Variants in QKI observed in about 807,000 individuals in gnomAD.
The protein encoded by QKI is QKI, KH domain containing RNA binding.
In QKI, 10 loss-of-function variants were observed where a neutral mutation model predicts 39.0. The observed-to-expected ratio is 0.26, with a 90% CI of 0.16 to 0.43. The LOEUF (loss-of-function observed/expected upper bound fraction) is 0.43, where lower values mean the gene tolerates loss of function less well. Ranked by LOEUF, QKI falls within the 20% of genes least tolerant of loss-of-function variation. The pLI is 1.00. For missense variants in QKI, 218 were observed against 428.0 expected (o/e 0.51, Z 4.33); for synonymous variants, 204 against 155.4 (o/e 1.31, Z -2.33).
chr6:163,465,289 C>G (rs915782036), intron 2 of QKI, among the ~76,000 whole-genome samples: 15 of 152,032 alleles, frequency 9.9e-5, no homozygotes, highest in Non-Finnish European at 1.8e-4. Context: ...CTTGCTACTT[C>G]CATTAAATAT....
At position 163,575,251 on chromosome 6, in the gene QKI, TTAC is replaced by T. The variant is rs1438876436; in HGVS notation, c.*4544_*4546del. 1 of 152,218 alleles carries T rather than the reference TTAC, an allele frequency of 6.6e-6. No homozygotes were observed. The highest frequency in any genetic ancestry group is 1.5e-5 in the Non-Finnish European group (1 of 68,036). 9.4% of individuals were successfully genotyped at this position (152,218 alleles called of 1,614,324 possible). ...TTAAATTGATGAATTTCTATGCAATTTACTATTCTCTGAAGCCTATGAATGCAG... is the reference window on the plus strand; with the variant it reads ...TTAAATTGATGAATTTCTATGCAATTTATTCTCTGAAGCCTATGAATGCAG... On this transcript the variant is annotated 3_prime_UTR_variant, in exon 8 of 8. Coordinates refer to ENST00000361752, the MANE Select transcript of QKI (RefSeq NM_006775.3).
At chr6:163,569,777 G>C (rs1366112429) in intron 7 of QKI, 4 of 987,778 alleles carry the variant, frequency 4.0e-6, no homozygotes, top group Non-Finnish European at 4.8e-6. Flanking sequence ...TGTATTTGCA[G>C]AGTATTAGCT....
At chr6:163,568,828 A>G (rs1048071858) in intron 7 of QKI, 20 of 985,660 alleles carry the variant, frequency 2.0e-5, no homozygotes, top group African/African-American at 8.7e-5. Flanking sequence ...TTTGAAGCCT[A>G]TTAGAGACCA....
chr6:163,445,892 G>A (rs1455108009), intron 1 of QKI, among the ~76,000 whole-genome samples: 1 of 152,210 alleles, frequency 6.6e-6, no homozygotes, highest in Non-Finnish European at 1.5e-5. Context: ...GGGATTACAG[G>A]CGTGAGCCAT....
At chr6:163,482,371 G>A (rs1793138934) in intron 3 of QKI, among the ~76,000 whole-genome samples, 1 of 152,012 alleles carries the variant, frequency 6.6e-6, no homozygotes, top group Admixed American at 6.6e-5. Context: ...TGTTGTAAGG[G>A]TTTCTCCCCA....
chr6:163,501,540 CA>C (rs1167299843), intron 3 of QKI, among the ~76,000 whole-genome samples: 1 of 152,150 alleles, frequency 6.6e-6, no homozygotes, highest in African/African-American at 2.4e-5. Context: ...CCGTTCCATG[CA>C]AGCTAGCCTG....
At chr6:163,452,187 A>T (rs9458830) in intron 1 of QKI, among the ~76,000 whole-genome samples, 11,989 of 152,280 alleles carry the variant, frequency 0.079, 535 homozygotes, top group Middle Eastern at 0.12. Flanking sequence ...GAGTGTTCTG[A>T]ATAACACCAG....
chr6:163,425,995 A>C (rs1288707547), intron 1 of QKI, among the ~76,000 whole-genome samples: 1 of 152,204 alleles, frequency 6.6e-6, no homozygotes, highest in African/African-American at 2.4e-5. Context: ...TAAATGAGAG[A>C]TATCTTGACA....
At chr6:163,471,537 C>G (rs1792182103) in intron 2 of QKI, among the ~76,000 whole-genome samples, 1 of 152,020 alleles carries the variant, frequency 6.6e-6, no homozygotes, top group South Asian at 2.1e-4. Context: ...ATTACACTTT[C>G]TGAGGTCCTT....
intron 4 of QKI, among the ~76,000 whole-genome samples, chr6:163,553,137 C>G (rs1341368008): frequency 6.9e-6 from 1 of 145,140 alleles, no homozygotes; most frequent in East Asian, 2.0e-4. Flanking sequence ...GAGTTTCACT[C>G]TTGTTGCCTA....
chr6:163,417,899 T>C (rs1034458527), intron 1 of QKI, among the ~76,000 whole-genome samples: 6 of 152,210 alleles, frequency 3.9e-5, no homozygotes, highest in African/African-American at 1.4e-4. Flanking sequence ...TAGTGTGGAA[T>C]AAGCGGCTTC....
chr6:163,551,398 G>A (rs1457221760), intron 4 of QKI, among the ~76,000 whole-genome samples: 1 of 152,220 alleles, frequency 6.6e-6, no homozygotes, highest in Non-Finnish European at 1.5e-5. Flanking sequence ...GTAGGTGGTA[G>A]CCCATACTTC....
intron 3 of QKI, among the ~76,000 whole-genome samples, chr6:163,483,303 G>C (rs1793221656): frequency 6.6e-6 from 1 of 152,182 alleles, no homozygotes; most frequent in African/African-American, 2.4e-5. Flanking sequence ...GCTGCTGACT[G>C]ATCAGGGTGG....
chr6:163,542,183 C>G (rs1194566959), intron 4 of QKI, among the ~76,000 whole-genome samples: 4 of 152,060 alleles, frequency 2.6e-5, no homozygotes, highest in African/African-American at 9.6e-5. Flanking sequence ...ATATATAAAA[C>G]TGTCTCTCCA....
chr6:163,514,094 T>C (rs1222376455), intron 3 of QKI, among the ~76,000 whole-genome samples: 2 of 152,126 alleles, frequency 1.3e-5, no homozygotes, highest in Admixed American at 1.3e-4. Flanking sequence ...ACCCTTGCAC[T>C]CTGGCACACT....
rs1017784912 is a variant in QKI, at chr6:163,575,417, A to G, written c.*4707A>G. 2 of 152,258 alleles carry G rather than the reference A, an allele frequency of 1.3e-5. No individual in the cohort carries two copies. Among genetic ancestry groups the G allele is most frequent in the African/African-American group, 4.8e-5 (2 of 41,474 alleles). 9.4% of individuals were successfully genotyped at this position (152,258 alleles called of 1,614,324 possible). A position where few individuals can be genotyped will look rare whatever the true frequency, so the allele number is the denominator to read the frequency against. The stretch of plus-strand genomic sequence containing the variant: ...TTTTATACAGGTTACAATATTAAAC[A>G]TGAAACTACCAAATTCCAAGAATAG... On this transcript the variant is annotated 3_prime_UTR_variant, in exon 8 of 8. Coordinates refer to ENST00000361752, the MANE Select transcript of QKI (RefSeq NM_006775.3).
At chr6:163,502,959 C>T (rs1011529439) in intron 3 of QKI, among the ~76,000 whole-genome samples, 1 of 152,080 alleles carries the variant, frequency 6.6e-6, no homozygotes, top group Non-Finnish European at 1.5e-5. Context: ...ATTTACATTC[C>T]CACCAACAGT....
Position 163,570,897 on chromosome 6 carries a change from T to C in QKI, c.*187T>C. The C allele has an allele frequency of 1.6e-6, 1 of 623,640 alleles. No homozygotes were observed. The highest frequency in any genetic ancestry group is 2.5e-6 in the Non-Finnish European group (1 of 406,616). 38.6% of individuals were successfully genotyped at this position (623,640 alleles called of 1,614,324 possible). A position where few individuals can be genotyped will look rare whatever the true frequency, so the allele number is the denominator to read the frequency against. On this transcript the variant is annotated 3_prime_UTR_variant, in exon 8 of 8. Coordinates refer to ENST00000361752, the MANE Select transcript of QKI (RefSeq NM_006775.3). ...AAATTGTTGTCCTCCAACTCAGCTTTTTTTTTTTTTTTTTCCTGTTTGGGT... is the reference window on the plus strand; with the variant it reads ...AAATTGTTGTCCTCCAACTCAGCTTCTTTTTTTTTTTTTTCCTGTTTGGGT...
chr6:163,575,876 G>C lies in QKI; in HGVS notation c.*5166G>C, dbSNP rs1195985293. On this transcript the variant is annotated 3_prime_UTR_variant, in exon 8 of 8. Transcript: ENST00000361752. Reference sequence around the variant, plus strand: ...GTTTCTTTAGTTTTAGGATGGGGTGGGGTGGGAGTGGTTTTGCATGTTTGA... The same window carrying C: ...GTTTCTTTAGTTTTAGGATGGGGTGCGGTGGGAGTGGTTTTGCATGTTTGA... 2 of 152,084 alleles carry C rather than the reference G, an allele frequency of 1.3e-5. No homozygotes were observed. The highest frequency in any genetic ancestry group is 4.8e-5 in the African/African-American group (2 of 41,426). The allele number at this position is 152,084 out of a possible 1,614,324, so 9.4% of individuals were successfully genotyped here.
Sources: gnomAD v4.1 joint callset for allele counts (sites outside exome capture counted in the v4.1 genomes callset) on GRCh38, gnomAD v4.1.1 for gene constraint, MANE v1.5 for transcripts, NCBI Gene and HGNC (gene_info 2026-07-23, HGNC 2026-07-21) for gene names.